The following GTF2I variants were observed in gnomAD, a reference collection of about 807,000 sequenced individuals.
GTF2I encodes general transcription factor IIi.
GTF2I carries 12 observed loss-of-function variants against 67.6 expected under a neutral mutation model. The ratio of observed to expected loss-of-function variants is 0.18; its 90% CI spans 0.11 to 0.29. GTF2I has a LOEUF of 0.29. Ranked by LOEUF, GTF2I falls within the 10% of genes least tolerant of loss-of-function variation. The pLI, the probability that GTF2I is intolerant of heterozygous loss-of-function variation, is 1.00. For missense variants in GTF2I, 271 were observed against 580.1 expected, an observed-to-expected ratio of 0.47 and a Z score of 5.47; for synonymous variants, 149 against 197.0, an observed-to-expected ratio of 0.76 and a Z score of 2.04.
chr7:74,664,644 G>A (rs148622885), intron 1 of GTF2I, among the ~76,000 whole-genome samples: 3 of 152,174 alleles, frequency 2.0e-5, no homozygotes, highest in African/African-American at 7.2e-5. Flanking sequence ...TGTTGGCCAG[G>A]CTGGTCTCAA....
chr7:74,692,694 A>G (rs1788444103), intron 3 of GTF2I, among the ~76,000 whole-genome samples: 1 of 152,234 alleles, frequency 6.6e-6, no homozygotes, highest in South Asian at 2.1e-4. Context: ...AAACATGGAA[A>G]GGGAACAAAA....
intron 12 of GTF2I, among the ~76,000 whole-genome samples, chr7:74,725,119 T>G (rs1793583332): frequency 6.6e-6 from 1 of 152,162 alleles, no homozygotes; most frequent in Non-Finnish European, 1.5e-5. Context: ...GCCCTAGAGC[T>G]TTAGTTGATG....
chr7:74,695,659 CT>C (rs747457255), intron 3 of GTF2I, among the ~76,000 whole-genome samples: 3 of 152,064 alleles, frequency 2.0e-5, no homozygotes, highest in Non-Finnish European at 4.4e-5. Flanking sequence ...ATTCCTCCCC[CT>C]GTCCCTTACC....
At chr7:74,681,219 G>A (rs898943459) in intron 1 of GTF2I, among the ~76,000 whole-genome samples, 3 of 152,162 alleles carry the variant, frequency 2.0e-5, no homozygotes, top group Admixed American at 6.5e-5. Context: ...CAGATCACCT[G>A]ACGTCAGTAG....
chr7:74,670,282 T>G (rs1554390148), intron 1 of GTF2I, among the ~76,000 whole-genome samples: 1 of 152,142 alleles, frequency 6.6e-6, no homozygotes, highest in Non-Finnish European at 1.5e-5. Context: ...GATTAAAGAA[T>G]CCCAGGGTCA....
In GTF2I at chr7:74,678,698, C is replaced by A. The variant is rs587685507; in HGVS notation, c.-5-10426C>A. ...TTTCATTGTTAAAGGAGATAGTTTG[C>A]CTGACAGTACCTGGAAGCAGTGTTT... On this transcript the variant is annotated intron_variant, in intron 1 of 34. Coordinates refer to ENST00000573035, the MANE Select transcript of GTF2I (RefSeq NM_032999.4). Among the ~76,000 whole-genome samples, 347 of 152,174 alleles carry A rather than the reference C, an allele frequency of 2.3e-3. 2 individuals carry two copies. The highest frequency in any genetic ancestry group is 2.3e-3 in the Non-Finnish European group (154 of 68,022).
chr7:74,710,646 A>G (rs1190850693), intron 8 of GTF2I, among the ~76,000 whole-genome samples: 2 of 152,218 alleles, frequency 1.3e-5, no homozygotes, highest in African/African-American at 4.8e-5. Context: ...ATTGTTGACC[A>G]TTATGCTATC....
intron 8 of GTF2I, among the ~76,000 whole-genome samples, chr7:74,708,539 G>A (rs1031729331): frequency 1.3e-5 from 2 of 152,168 alleles, no homozygotes; most frequent in African/African-American, 4.8e-5. Context: ...CACAGCTGTT[G>A]TGATGGGAGG....
intron 15 of GTF2I, among the ~76,000 whole-genome samples, chr7:74,732,982 T>G (rs1425064048): frequency 4.6e-5 from 7 of 151,598 alleles, no homozygotes; most frequent in African/African-American, 1.7e-4. Context: ...TATTTTTTTT[T>G]TCGAGATGGA....
chr7:74,716,984 A>G (rs1554403760), intron 11 of GTF2I, 34 bp downstream of exon 11: 17 of 1,563,294 alleles, frequency 1.1e-5, no homozygotes, highest in Non-Finnish European at 1.3e-5. Context: ...ATTTTCCACT[A>G]TTTGTTGTAT....
At chr7:74,663,388 C>T (rs917727570) in intron 1 of GTF2I, among the ~76,000 whole-genome samples, 2 of 152,202 alleles carry the variant, frequency 1.3e-5, no homozygotes, top group South Asian at 2.1e-4. Context: ...CGGGCTCAAG[C>T]GATTCTTGTG....
intron 1 of GTF2I, chr7:74,687,540 T>C: frequency 1.0e-6 from 1 of 984,874 alleles, no homozygotes; most frequent in Non-Finnish European, 1.2e-6. Flanking sequence ...GTTTTTATTA[T>C]AAAGCGCAAC....
At chr7:74,680,118 GTA>G (rs1562944665) in intron 1 of GTF2I, among the ~76,000 whole-genome samples, 1 of 105,736 alleles carries the variant, frequency 9.5e-6, no homozygotes, top group Non-Finnish European at 1.8e-5. Context: ...ATATATATAT[GTA>G]TGTATGTATG....
chr7:74,705,238 C>T lies in GTF2I; in HGVS notation c.641+20C>T. ...TGGAAGGTAAAACCTAATTTCATTA[C>T]TGCTGTTTAACTCCCACACCTCAAA... On this transcript the variant is annotated intron_variant, in intron 7 of 34. Coordinates refer to ENST00000573035, the MANE Select transcript of GTF2I (RefSeq NM_032999.4). 1 of 1,477,172 alleles carries T rather than the reference C, an allele frequency of 6.8e-7. No individual in the cohort carries two copies. Among genetic ancestry groups the T allele is most frequent in the Non-Finnish European group, 9.5e-7 (1 of 1,056,132 alleles). 91.5% of individuals were successfully genotyped at this position (1,477,172 alleles called of 1,614,324 possible).
intron 3 of GTF2I, among the ~76,000 whole-genome samples, chr7:74,691,621 G>T (rs2131297375): frequency 6.6e-6 from 1 of 152,326 alleles, no homozygotes; most frequent in Admixed American, 6.5e-5. Flanking sequence ...TGTCAGGATA[G>T]ATACTGAAGA....
chr7:74,664,945 TG>T (rs1804839289), intron 1 of GTF2I, among the ~76,000 whole-genome samples: 2 of 151,778 alleles, frequency 1.3e-5, no homozygotes, highest in Non-Finnish European at 2.9e-5. Flanking sequence ...CCCTATTTTT[TG>T]TTTTTTTTTT....
At chr7:74,658,886 G>GA (rs1213521064) in intron 1 of GTF2I, among the ~76,000 whole-genome samples, 4 of 152,236 alleles carry the variant, frequency 2.6e-5, no homozygotes, top group Admixed American at 6.5e-5. Context: ...AAATGAAATG[G>GA]AAAAAGCTGT....
chr7:74,674,919 T>C (rs1458169282), intron 1 of GTF2I, among the ~76,000 whole-genome samples: 2 of 151,508 alleles, frequency 1.3e-5, no homozygotes, highest in Non-Finnish European at 2.9e-5. Context: ...AGTGGCACCA[T>C]CTCAGCTCAC....
At chr7:74,721,157 T>G (rs1562974385) in intron 12 of GTF2I, among the ~76,000 whole-genome samples, 1 of 152,252 alleles carries the variant, frequency 6.6e-6, no homozygotes, top group Non-Finnish European at 1.5e-5. Flanking sequence ...TTCTCCTGCC[T>G]CAGCCTCCTG....
Sources: allele counts gnomAD v4.1 joint callset (sites outside exome capture counted in the v4.1 genomes callset), GRCh38; gene constraint gnomAD v4.1.1; transcripts MANE v1.5; gene names NCBI Gene and HGNC (gene_info 2026-07-23, HGNC 2026-07-21).